Variants in GPR141 observed in about 807,000 individuals in gnomAD.
The protein encoded by GPR141 is G protein-coupled receptor 141.
GPR141 carries 6 observed loss-of-function variants against 6.8 expected under a neutral mutation model. The ratio of observed to expected loss-of-function variants is 0.88; its 90% CI spans 0.48 to 1.74. The LOEUF (loss-of-function observed/expected upper bound fraction) is 1.74, where lower values mean the gene tolerates loss of function less well. Ranked by LOEUF, GPR141 falls within the 40% of genes most tolerant of loss-of-function variation. GPR141 has a pLI of 0.01. For synonymous variants in GPR141, 140 were observed against 142.3 expected, an observed-to-expected ratio of 0.98 and a Z score of 0.11; for missense variants, 372 against 372.9, an observed-to-expected ratio of 1.00 and a Z score of 0.02.
intron 2 of GPR141, among the ~76,000 whole-genome samples, chr7:37,724,355 G>C (rs902600595): frequency 6.6e-6 from 1 of 152,052 alleles, no homozygotes; most frequent in Admixed American, 6.6e-5. Flanking sequence ...TCAAACTTCA[G>C]AAATAGGATG....
At chr7:37,710,839 A>AT (rs1438065103) in intron 2 of GPR141, among the ~76,000 whole-genome samples, 1 of 152,082 alleles carries the variant, frequency 6.6e-6, no homozygotes, top group Non-Finnish European at 1.5e-5. Flanking sequence ...ACAGTACAAC[A>AT]TTTTTTCTCT....
intron 2 of GPR141, among the ~76,000 whole-genome samples, chr7:37,692,367 G>A (rs1484756416): frequency 6.6e-6 from 1 of 152,198 alleles, no homozygotes; most frequent in Non-Finnish European, 1.5e-5. Context: ...TGGTGTATAT[G>A]TGCCACATTT....
Position 37,740,701 on chromosome 7 carries a change from T to A in GPR141, c.308T>A (p.Phe103Tyr), listed in dbSNP as rs770739044. ...CTGCACATCCACATGTACCTCACGT[T>A]CCTATTCTATGTGGTGATCCTGGTC... ...AMLHIHMYLTFLFYVVILVTR... is the reference protein window; with the variant it reads ...AMLHIHMYLTYLFYVVILVTR... The change falls in exon 3 of 3, where the codon TTC becomes TAC. Residue 103 changes from phenylalanine (F) to tyrosine (Y), a missense_variant. Physicochemically the swap from Phe to Tyr is conservative, Grantham distance 22. Coordinates refer to ENST00000334425, the MANE Select transcript of GPR141 (RefSeq NM_001381946.1). The A allele has an allele frequency of 6.2e-6, 10 of 1,613,968 alleles. No individual in the cohort carries two copies. The Admixed American group carries it at 1.7e-4, about 27-fold the overall frequency.
intron 2 of GPR141, among the ~76,000 whole-genome samples, chr7:37,728,802 C>T (rs1384764590): frequency 6.6e-6 from 1 of 152,196 alleles, no homozygotes; most frequent in Middle Eastern, 3.4e-3. Context: ...TGGGAGAATC[C>T]TGGTGCACCA....
rs189196272 is a variant in GPR141, at chr7:37,692,512, A to C, written c.-15+6929A>C. On this transcript the variant is annotated intron_variant, in intron 2 of 2. Coordinates refer to ENST00000334425, the MANE Select transcript of GPR141 (RefSeq NM_001381946.1). ...TTTATAATCCTTTGGGTATATACCC[A>C]GTAATGAGATTGCTGGGTCAAATGG... 4.8e-3 allele frequency among the ~76,000 whole-genome samples: 724 copies of C among 152,320 alleles called. 6 individuals carry two copies. The highest frequency in any genetic ancestry group is 0.017 in the African/African-American group (696 of 41,556).
intron 2 of GPR141, among the ~76,000 whole-genome samples, chr7:37,723,982 G>A (rs1811488043): frequency 6.6e-6 from 1 of 152,230 alleles, no homozygotes; most frequent in South Asian, 2.1e-4. Context: ...CCCTGGGAAT[G>A]GAAAGAACTC....
chr7:37,699,566 A>G (rs1810184852), intron 2 of GPR141, among the ~76,000 whole-genome samples: 1 of 152,198 alleles, frequency 6.6e-6, no homozygotes, highest in Non-Finnish European at 1.5e-5. Flanking sequence ...GACTCAAAAA[A>G]CAAAACAAAA....
chr7:37,702,364 C>CAAAA (rs1277817476), intron 2 of GPR141, among the ~76,000 whole-genome samples: 1 of 151,210 alleles, frequency 6.6e-6, no homozygotes, highest in East Asian at 1.9e-4. Flanking sequence ...GTCTTTTTTT[C>CAAAA]CTTCCTTCCT....
chr7:37,696,903 C>A (rs1373089912), intron 2 of GPR141, among the ~76,000 whole-genome samples: 1 of 152,004 alleles, frequency 6.6e-6, no homozygotes, highest in African/African-American at 2.4e-5. Context: ...TATAGGTTTT[C>A]TTAGTTGCGT....
intron 2 of GPR141, among the ~76,000 whole-genome samples, chr7:37,697,446 T>C (rs1453206559): frequency 6.6e-6 from 1 of 152,194 alleles, no homozygotes; most frequent in Non-Finnish European, 1.5e-5. Flanking sequence ...TAAAGCCTTA[T>C]AATACAAATG....
chr7:37,738,140 C>T (rs890120411), intron 2 of GPR141, among the ~76,000 whole-genome samples: 1 of 152,174 alleles, frequency 6.6e-6, no homozygotes, highest in Non-Finnish European at 1.5e-5. Flanking sequence ...TCAGTTTTGT[C>T]ATCTAAAATT....
chr7:37,695,084 C>T (rs1809954375), intron 2 of GPR141, among the ~76,000 whole-genome samples: 1 of 152,200 alleles, frequency 6.6e-6, no homozygotes, highest in African/African-American at 2.4e-5. Context: ...AGGGATTGCA[C>T]AGCTTCAGCT....
At chr7:37,690,221 C>T (rs900931734) in intron 2 of GPR141, among the ~76,000 whole-genome samples, 4 of 151,730 alleles carry the variant, frequency 2.6e-5, no homozygotes, top group Admixed American at 6.6e-5. Context: ...TGCATTTTTA[C>T]GGTTTTGAAC....
Position 37,741,256 on chromosome 7 carries a change from G to A in GPR141, c.863G>A (p.Ser288Asn), listed in dbSNP as rs749784262. The A allele has an allele frequency of 1.9e-6, 3 of 1,609,816 alleles. No individual in the cohort carries two copies. The highest frequency in any genetic ancestry group is 2.5e-6 in the Non-Finnish European group (3 of 1,176,892). Residue 288 changes from serine (S) to asparagine (N), a missense_variant, in exon 3 of 3, where the codon AGC (serine) becomes AAC (asparagine). By Grantham distance (46) the Ser-to-Asn change is conservative. Transcript: ENST00000334425. ...YDLLLFVFGG[S>N]HWFKQKIIGL... is the part of the protein sequence containing the mutation. ...TTGCTTCTCTTTGTCTTTGGGGGAA[G>A]CCATTGGTTTAAGCAAAAGATAATT...
At chr7:37,731,807 GT>G (rs1216965592) in intron 2 of GPR141, among the ~76,000 whole-genome samples, 1 of 152,052 alleles carries the variant, frequency 6.6e-6, no homozygotes, top group East Asian at 1.9e-4. Flanking sequence ...ATCGCTTTCT[GT>G]CCTTTCTTAC....
intron 2 of GPR141, among the ~76,000 whole-genome samples, chr7:37,738,699 A>T (rs1277656589): frequency 2.6e-5 from 4 of 152,174 alleles, no homozygotes; most frequent in Admixed American, 6.5e-5. Flanking sequence ...TGCAATAAAA[A>T]TAACCAATTT....
chr7:37,690,564 T>A (rs546684803), intron 2 of GPR141, among the ~76,000 whole-genome samples: 1 of 152,302 alleles, frequency 6.6e-6, no homozygotes, highest in Non-Finnish European at 1.5e-5. Context: ...CAAATAAACC[T>A]CTTTTCTTAT....
At chr7:37,722,425 T>TC (rs1811380074) in intron 2 of GPR141, among the ~76,000 whole-genome samples, 4 of 87,484 alleles carry the variant, frequency 4.6e-5, no homozygotes, top group Admixed American at 2.6e-4. Flanking sequence ...GTTCCCTCTC[T>TC]TAAAAAAAAA....
intron 2 of GPR141, among the ~76,000 whole-genome samples, chr7:37,706,446 G>A (rs921779419): frequency 6.6e-6 from 1 of 152,118 alleles, no homozygotes; most frequent in Non-Finnish European, 1.5e-5. Flanking sequence ...CAAGAAGAAG[G>A]CTTGAGGTTT....
Sources: gnomAD v4.1 joint callset for allele counts (sites outside exome capture counted in the v4.1 genomes callset) on GRCh38, gnomAD v4.1.1 for gene constraint, MANE v1.5 for transcripts, NCBI Gene and HGNC (gene_info 2026-07-23, HGNC 2026-07-21) for gene names.